PPP5C: variants seen among roughly 807,000 people sequenced by gnomAD.
The protein encoded by PPP5C is serine/threonine-protein phosphatase 5.
A neutral mutation model predicts 66.7 loss-of-function variants in PPP5C; 21 were observed. The ratio of observed to expected loss-of-function variants is 0.31; its 90% CI spans 0.22 to 0.45. The LOEUF is 0.45. Ranked by LOEUF, PPP5C falls within the 20% of genes least tolerant of loss-of-function variation. The pLI is 1.00. For missense variants in PPP5C, 464 were observed against 675.9 expected (o/e 0.69, Z 3.48); for synonymous variants, 246 against 257.4 (o/e 0.96, Z 0.43).
chr19:46,374,753 G>C (rs1264040534), intron 2 of PPP5C, among the ~76,000 whole-genome samples: 2 of 152,162 alleles, frequency 1.3e-5, no homozygotes, highest in Non-Finnish European at 2.9e-5. Flanking sequence ...TGGCACCACT[G>C]TGCAGGGTTC....
chr19:46,351,078 TG>T (rs1299181250), intron 1 of PPP5C, among the ~76,000 whole-genome samples: 1 of 152,000 alleles, frequency 6.6e-6, no homozygotes, highest in Non-Finnish European at 1.5e-5. Context: ...TTCTGTAAAA[TG>T]GGGGGTGGGG....
intron 2 of PPP5C, among the ~76,000 whole-genome samples, chr19:46,362,917 A>T (rs1601420906): frequency 6.7e-6 from 1 of 149,872 alleles, no homozygotes; most frequent in African/African-American, 2.4e-5. Context: ...CCTCCCGAGT[A>T]CCTGGGACTA....
Position 46,376,604 on chromosome 19 carries a change from G to A in PPP5C, c.633+30G>A, listed in dbSNP as rs375224529. ...TGCATCTGTCAGGTACTGGGCACCCGGGAACCCTGGGATGGCATCACAGCA... is the reference window on the plus strand; with the variant it reads ...TGCATCTGTCAGGTACTGGGCACCCAGGAACCCTGGGATGGCATCACAGCA... On this transcript the variant is annotated intron_variant, in intron 4 of 12. Coordinates refer to ENST00000012443, the MANE Select transcript of PPP5C (RefSeq NM_006247.4). This position sits in a 1 kb window ranked among gnomAD's most constrained non-coding sequence, Gnocchi z 5.1. 5.3e-5 allele frequency: 85 copies of A among 1,607,518 alleles called. No homozygotes were observed. The African/African-American group carries it at 6.3e-4, about 12-fold the overall frequency.
intron 2 of PPP5C, among the ~76,000 whole-genome samples, chr19:46,368,138 G>A (rs942720861): frequency 1.3e-5 from 2 of 152,186 alleles, no homozygotes; most frequent in Admixed American, 6.5e-5. Context: ...GTAGAGATTA[G>A]TGCCACCATC....
At chr19:46,371,018 G>T (rs1271138404) in intron 2 of PPP5C, among the ~76,000 whole-genome samples, 1 of 152,204 alleles carries the variant, frequency 6.6e-6, no homozygotes, top group Non-Finnish European at 1.5e-5. Context: ...GGGATTACAG[G>T]CGTGAGCCAC....
intron 2 of PPP5C, among the ~76,000 whole-genome samples, chr19:46,355,659 A>G (rs1730361650): frequency 6.6e-6 from 1 of 152,046 alleles, no homozygotes; most frequent in Non-Finnish European, 1.5e-5. Context: ...CCCCTCCCTC[A>G]TTGTCTCTTC....
Position 46,383,360 on chromosome 19 carries a change from T to C in PPP5C, c.634-51T>C. Reference sequence around the variant, plus strand: ...GGCAGTCCAGGCTTTCGGGGCCAGGTTGGGCAGCAGCCCCTGCAGCCGGTC... The same window carrying C: ...GGCAGTCCAGGCTTTCGGGGCCAGGCTGGGCAGCAGCCCCTGCAGCCGGTC... On this transcript the variant is annotated intron_variant, in intron 4 of 12. Transcript: ENST00000012443. This position sits in a 1 kb window ranked among gnomAD's most constrained non-coding sequence, Gnocchi z 5.0. The C allele has an allele frequency of 6.3e-7, 1 of 1,589,634 alleles. No individual in the cohort carries two copies. The highest frequency in any genetic ancestry group is 8.6e-7 in the Non-Finnish European group (1 of 1,168,728).
chr19:46,388,685 G>T lies in PPP5C; in HGVS notation c.1309G>T (p.Ala437Ser). Residue 437 changes from alanine (A) to serine (S), a missense_variant, in exon 11 of 13, where the codon GCT becomes TCT. Around this residue, in one of 2 missense-constraint regions of PPP5C, gnomAD observed 387 missense variants for 626.0 expected, o/e 0.62. Coordinates refer to ENST00000012443, the MANE Select transcript of PPP5C (RefSeq NM_006247.4). This position sits in a 1 kb window ranked among gnomAD's most constrained non-coding sequence, Gnocchi z 4.9. The part of the protein sequence containing the change: ...HEVKAEGYEV[A>S]HGGRCVTVFS... ...AGTCAAGGCCGAGGGCTACGAGGTG[G>T]CTCACGGAGGCCGCTGTGTCACCGT... 1 of 1,614,162 alleles carries T rather than the reference G, an allele frequency of 6.2e-7. No individual in the cohort carries two copies.
At position 46,350,397 on chromosome 19, in the gene PPP5C, G is replaced by A. The variant is rs73940685; in HGVS notation, c.121+3180G>A. ...CTGCATGGGGGTTGCTGCTGAGGCCGCATCAGAATTCTGGGCCACAGCAGC... is the reference window on the plus strand; with the variant it reads ...CTGCATGGGGGTTGCTGCTGAGGCCACATCAGAATTCTGGGCCACAGCAGC... On this transcript the variant is annotated intron_variant, in intron 1 of 12. Coordinates refer to ENST00000012443, the MANE Select transcript of PPP5C (RefSeq NM_006247.4). 8.0e-3 allele frequency among the ~76,000 whole-genome samples: 1,219 copies of A among 152,280 alleles called. 21 individuals carry two copies. The highest frequency in any genetic ancestry group is 0.027 in the African/African-American group (1,120 of 41,554).
chr19:46,373,544 G>A (rs763381032), intron 2 of PPP5C, among the ~76,000 whole-genome samples: 27 of 152,164 alleles, frequency 1.8e-4, no homozygotes, highest in African/African-American at 6.5e-4. Flanking sequence ...TCCTCCCTGC[G>A]CTGTCATTGT....
At chr19:46,389,351 CTCCATCTCAAAA>C (rs1289379053) in intron 11 of PPP5C, among the ~76,000 whole-genome samples, 1 of 136,310 alleles carries the variant, frequency 7.3e-6, no homozygotes, top group African/African-American at 3.1e-5. Context: ...AAGAGTAAGA[CTCCATCTCAAAA>C]CACACACACA....
chr19:46,384,547 G>A (rs1399854199), intron 6 of PPP5C: 7 of 427,160 alleles, frequency 1.6e-5, no homozygotes, highest in East Asian at 4.5e-5. Flanking sequence ...CTGGCTTTCC[G>A]GGAGACAGGA....
At chr19:46,361,395 C>T (rs983538970) in intron 2 of PPP5C, among the ~76,000 whole-genome samples, 1 of 146,902 alleles carries the variant, frequency 6.8e-6, no homozygotes, top group African/African-American at 2.5e-5. Context: ...TCCCAAAGTG[C>T]TGGGATTACA....
intron 1 of PPP5C, among the ~76,000 whole-genome samples, chr19:46,347,940 G>GAAAAA (rs199970142): frequency 8.1e-6 from 1 of 122,964 alleles, no homozygotes; most frequent in African/African-American, 3.1e-5. Context: ...AACCAGACAT[G>GAAAAA]AAAAAAAAAA....
intron 7 of PPP5C, 52 bp from the exon 8 acceptor site, chr19:46,387,041 A>G: frequency 6.2e-7 from 1 of 1,613,434 alleles, no homozygotes; most frequent in South Asian, 1.1e-5. Context: ...AGGCTGGAGG[A>G]CACTGATGTA....
At chr19:46,384,581 A>G in intron 6 of PPP5C, 1 of 497,144 alleles carries the variant, frequency 2.0e-6, no homozygotes, top group South Asian at 2.1e-5. Flanking sequence ...GTGCCATACT[A>G]CTGAGGCTCA....
intron 2 of PPP5C, among the ~76,000 whole-genome samples, chr19:46,363,047 A>G (rs1455939350): frequency 6.6e-6 from 1 of 151,076 alleles, no homozygotes; most frequent in Non-Finnish European, 1.5e-5. Flanking sequence ...TTGGCCTCCC[A>G]AAGTGCTGGG....
chr19:46,354,452 G>C (rs1972248608), intron 2 of PPP5C, among the ~76,000 whole-genome samples: 1 of 152,150 alleles, frequency 6.6e-6, no homozygotes, highest in African/African-American at 2.4e-5. Context: ...ACCCACCACT[G>C]AATAGGTTAG....
intron 4 of PPP5C, among the ~76,000 whole-genome samples, chr19:46,377,645 T>C (rs1972719185): frequency 6.6e-6 from 1 of 152,242 alleles, no homozygotes; most frequent in South Asian, 2.1e-4. Flanking sequence ...CTTTGACCCC[T>C]TTCTAGTCAG....
Sources: gnomAD v4.1 joint callset for allele counts (sites outside exome capture counted in the v4.1 genomes callset) on GRCh38, gnomAD v4.1.1 for gene constraint, gnomAD v4.1.1 regional missense constraint, Gnocchi (gnomAD v3.1) non-coding constraint, MANE v1.5 for transcripts, NCBI Gene and HGNC (gene_info 2026-07-23, HGNC 2026-07-21) for gene names.